Variants in TSC22D1 observed in about 807,000 individuals in gnomAD.
TSC22D1 encodes TSC22 domain family member 1.
TSC22D1 carries 9 observed loss-of-function variants against 74.2 expected under a neutral mutation model. The ratio of observed to expected loss-of-function variants is 0.12; its 90% confidence interval spans 0.07 to 0.21. The LOEUF (loss-of-function observed/expected upper bound fraction) is 0.21, where lower values mean the gene tolerates loss of function less well. Ranked by LOEUF, TSC22D1 falls within the 10% of genes least tolerant of loss-of-function variation. TSC22D1 has a pLI of 1.00. For synonymous variants in TSC22D1, 586 were observed against 492.5 expected (o/e 1.19, Z -2.51); for missense variants, 1,427 against 1,304.7 (o/e 1.09, Z -1.44).
chr13:44,564,851 TA>T (rs2138212481), intron 1 of TSC22D1, among the ~76,000 whole-genome samples: 4 of 151,784 alleles, frequency 2.6e-5, no homozygotes, highest in African/African-American at 9.7e-5. Flanking sequence ...GCAATGGCAA[TA>T]AGGATGGAAA....
intron 1 of TSC22D1, among the ~76,000 whole-genome samples, chr13:44,443,696 T>C (rs549171365): frequency 2.6e-5 from 4 of 152,118 alleles, no homozygotes; most frequent in Non-Finnish European, 5.9e-5. Flanking sequence ...ATAATAATCA[T>C]TGACTGTTTA....
chr13:44,528,920 C>A (rs1880686196), intron 1 of TSC22D1, among the ~76,000 whole-genome samples: 1 of 151,970 alleles, frequency 6.6e-6, no homozygotes, highest in African/African-American at 2.4e-5. Context: ...TATCAAAATT[C>A]ACATGGGAAA....
At chr13:44,454,149 G>A (rs1876372165) in intron 1 of TSC22D1, among the ~76,000 whole-genome samples, 1 of 152,074 alleles carries the variant, frequency 6.6e-6, no homozygotes, top group South Asian at 2.1e-4. Flanking sequence ...CATATTGCTA[G>A]TAAAAACAGA....
Position 44,544,232 on chromosome 13 carries a change from T to C in TSC22D1, c.2912+28931A>G, listed in dbSNP as rs545963109. Among the ~76,000 whole-genome samples, 12 of 152,234 alleles carry C rather than the reference T, an allele frequency of 7.9e-5. No individual in the cohort carries two copies. In the South Asian group the frequency reaches 1.7e-3, roughly 21 times the overall value. On this transcript the variant is annotated intron_variant, in intron 1 of 2. Coordinates refer to ENST00000458659, the MANE Select transcript of TSC22D1 (RefSeq NM_183422.4). ...AGAGATGATACAAATGTTAGCCAAA[T>C]TGCAACAATTACAGATTTCTAATAT...
At chr13:44,488,014 T>C (rs568635424) in intron 1 of TSC22D1, among the ~76,000 whole-genome samples, 23 of 152,036 alleles carry the variant, frequency 1.5e-4, no homozygotes, top group Non-Finnish European at 2.5e-4. Context: ...GTTGAGATCA[T>C]ACCACTGCAC....
intron 1 of TSC22D1, among the ~76,000 whole-genome samples, chr13:44,524,146 T>C (rs1425186872): frequency 6.6e-6 from 1 of 152,160 alleles, no homozygotes; most frequent in Non-Finnish European, 1.5e-5. Context: ...AAAAAGCTCC[T>C]AGTAGAACAG....
chr13:44,455,776 G>A (rs774989330), intron 1 of TSC22D1, among the ~76,000 whole-genome samples: 4 of 152,134 alleles, frequency 2.6e-5, no homozygotes, highest in African/African-American at 7.2e-5. Context: ...ATGGTGCACC[G>A]AACACACTCA....
intron 1 of TSC22D1, among the ~76,000 whole-genome samples, chr13:44,448,791 C>A (rs984955112): frequency 6.6e-6 from 1 of 152,088 alleles, no homozygotes; most frequent in Non-Finnish European, 1.5e-5. Flanking sequence ...GCATTAGGTG[C>A]TTTGTCCAGG....
chr13:44,561,081 G>A (rs1403952569), intron 1 of TSC22D1, among the ~76,000 whole-genome samples: 1 of 152,156 alleles, frequency 6.6e-6, no homozygotes, highest in African/African-American at 2.4e-5. Context: ...CCAGGGAGAG[G>A]AGGGGACATG....
In TSC22D1 at chr13:44,573,502, G is replaced by A. The variant is rs1883927667; in HGVS notation, c.2573C>T (p.Ala858Val). The change falls in exon 1 of 3, where the codon GCA (alanine) becomes GTA (valine). Residue 858 changes from alanine (A) to valine (V), a missense_variant. Around this residue, in one of 3 missense-constraint regions of TSC22D1, gnomAD observed 1,343 missense variants for 1,191.5 expected, o/e 1.13. Transcript: ENST00000458659. ...PTNLVPPQNI[A>V]QTPATQNGNL... Reference sequence around the variant, plus strand: ...ACCATTTTGGGTAGCAGGGGTTTGTGCTATATTTTGTGGTGGAACCAAGTT... The same window carrying A: ...ACCATTTTGGGTAGCAGGGGTTTGTACTATATTTTGTGGTGGAACCAAGTT... The A allele has an allele frequency of 6.2e-7, 1 of 1,614,246 alleles. No homozygotes were observed. The highest frequency in any genetic ancestry group is 8.5e-7 in the Non-Finnish European group (1 of 1,180,044).
intron 1 of TSC22D1, among the ~76,000 whole-genome samples, chr13:44,548,333 A>G (rs1040885244): frequency 2.0e-5 from 3 of 152,234 alleles, no homozygotes; most frequent in African/African-American, 7.2e-5. Context: ...CCTGGCCAAC[A>G]TGGCGAAACC....
intron 1 of TSC22D1, among the ~76,000 whole-genome samples, chr13:44,509,368 G>A (rs1400173828): frequency 6.6e-6 from 1 of 152,246 alleles, no homozygotes. Context: ...GCAGGGCGTG[G>A]TGGCTCACGC....
chr13:44,539,062 C>A (rs936182798), intron 1 of TSC22D1: 11 of 985,166 alleles, frequency 1.1e-5, no homozygotes, highest in Non-Finnish European at 1.2e-5. Context: ...ATCAAAGAAA[C>A]TAAGAGAAAA....
chr13:44,459,885 C>G (rs1412983761), intron 1 of TSC22D1, among the ~76,000 whole-genome samples: 1 of 152,234 alleles, frequency 6.6e-6, no homozygotes, highest in African/African-American at 2.4e-5. Flanking sequence ...CCCCTTGCCA[C>G]TGACCCTTGG....
chr13:44,541,092 A>C (rs888406099), intron 1 of TSC22D1, among the ~76,000 whole-genome samples: 1 of 152,176 alleles, frequency 6.6e-6, no homozygotes, highest in Non-Finnish European at 1.5e-5. Context: ...AGGGTTCCTT[A>C]CCTGTTAGTG....
chr13:44,570,186 G>A (rs1160631801), intron 1 of TSC22D1, among the ~76,000 whole-genome samples: 1 of 148,800 alleles, frequency 6.7e-6, no homozygotes, highest in African/African-American at 2.5e-5. Context: ...AAGACATTAA[G>A]ACTTTTTTTT....
chr13:44,513,282 G>A (rs1879824626), intron 1 of TSC22D1, among the ~76,000 whole-genome samples: 1 of 152,148 alleles, frequency 6.6e-6, no homozygotes, highest in Non-Finnish European at 1.5e-5. Flanking sequence ...GCATCTAGGA[G>A]TTCATTAAAA....
intron 1 of TSC22D1, among the ~76,000 whole-genome samples, chr13:44,475,527 A>G (rs1877861687): frequency 6.6e-6 from 1 of 152,084 alleles, no homozygotes; most frequent in Non-Finnish European, 1.5e-5. Flanking sequence ...TAAAATAGAA[A>G]ACAAGCATAT....
intron 1 of TSC22D1, among the ~76,000 whole-genome samples, chr13:44,439,606 T>A (rs1439399738): frequency 6.6e-6 from 1 of 152,186 alleles, no homozygotes; most frequent in African/African-American, 2.4e-5. Context: ...CCAGGAGAGA[T>A]CCTTAAAGCC....
Sources: gnomAD v4.1 joint callset for allele counts (sites outside exome capture counted in the v4.1 genomes callset) on GRCh38, gnomAD v4.1.1 for gene constraint, gnomAD v4.1.1 regional missense constraint, MANE v1.5 for transcripts, NCBI Gene and HGNC (gene_info 2026-07-23, HGNC 2026-07-21) for gene names.